Variants in MRTFB observed in about 807,000 individuals in gnomAD.
MRTFB encodes the protein myocardin-related transcription factor B.
MRTFB carries 29 observed loss-of-function variants against 104.2 expected under a neutral mutation model. That is an observed-to-expected ratio of 0.28 (90% confidence interval 0.21 to 0.38). MRTFB has a LOEUF of 0.38. Among genes scored for constraint, MRTFB ranks in the 10% least tolerant of loss-of-function variants. The pLI is 1.00. For synonymous variants in MRTFB, 535 were observed against 519.5 expected (o/e 1.03, Z -0.41); for missense variants, 1,270 against 1,341.6 (o/e 0.95, Z 0.83).
At chr16:14,038,614 G>A in the MRTFB span, among the ~76,000 whole-genome samples, 1 of 152,178 alleles carries the variant, frequency 6.6e-6, no homozygotes, top group South Asian at 2.1e-4. Context: ...AGCTTTGGCA[G>A]GCAACCATAT....
intron 3 of MRTFB, 115 bp downstream of exon 3, chr16:14,140,875 G>C: frequency 2.6e-6 from 3 of 1,157,462 alleles, no homozygotes; most frequent in Non-Finnish European, 3.7e-6. Flanking sequence ...TGTCATGGAG[G>C]AGAACCCTGT....
At chr16:14,078,754 T>C (rs1162151059) in intron 1 of MRTFB, among the ~76,000 whole-genome samples, 1 of 152,068 alleles carries the variant, frequency 6.6e-6, no homozygotes, top group African/African-American at 2.4e-5. Context: ...ATTATCATCA[T>C]AAATAATGCT....
chr16:14,184,301 T>C (rs570249677), intron 3 of MRTFB, among the ~76,000 whole-genome samples: 226 of 151,298 alleles, frequency 1.5e-3, no homozygotes, highest in Non-Finnish European at 2.8e-3. Flanking sequence ...CAGCTCACTG[T>C]AACCTCTGCC....
chr16:14,195,535 C>T (rs1408071619), intron 3 of MRTFB: 1 of 985,302 alleles, frequency 1.0e-6, no homozygotes, highest in Non-Finnish European at 1.2e-6. Context: ...AACCGAGATA[C>T]TGAGTCTGGA....
chr16:14,005,415 G>A, the MRTFB span, among the ~76,000 whole-genome samples: 2 of 152,200 alleles, frequency 1.3e-5, no homozygotes, highest in Admixed American at 1.3e-4. Flanking sequence ...AGCAGAGAGT[G>A]AGAGCCTCGT....
At position 14,203,069 on chromosome 16, in the gene MRTFB, A is replaced by G. The variant is rs571586030; in HGVS notation, c.155-7174A>G. Among the ~76,000 whole-genome samples, 14 of 152,342 alleles carry G rather than the reference A, an allele frequency of 9.2e-5. No individual in the cohort carries two copies. The South Asian group carries it at 2.5e-3, about 27-fold the overall frequency. ...CTAGTACTGACTTCAGAGTCAATAC[A>G]TAGTCAATTCTAGAGTATTCTTTAG... On this transcript the variant is annotated intron_variant, in intron 3 of 16. Coordinates refer to ENST00000571589, the MANE Select transcript of MRTFB (RefSeq NM_001308142.2).
At chr16:14,099,665 CTTTTCTTTTTTTT>C (rs1418673952) in intron 2 of MRTFB, among the ~76,000 whole-genome samples, 1 of 136,414 alleles carries the variant, frequency 7.3e-6, no homozygotes, top group Non-Finnish European at 1.6e-5. Context: ...TGCATCTTTT[CTTTTCTTTTTTTT>C]TTTTTTTGAG....
At chr16:14,255,671 T>C (rs1346797724) in intron 15 of MRTFB, among the ~76,000 whole-genome samples, 1 of 151,962 alleles carries the variant, frequency 6.6e-6, no homozygotes, top group Non-Finnish European at 1.5e-5. Context: ...TAATAAAGGA[T>C]GGGGGAGGAA....
chr16:14,222,723 A>G (rs1212555012), intron 8 of MRTFB, among the ~76,000 whole-genome samples: 4 of 151,990 alleles, frequency 2.6e-5, no homozygotes, highest in Non-Finnish European at 5.9e-5. Flanking sequence ...CTTGAACATC[A>G]GTGATCATTA....
rs146623862 is a variant in MRTFB, at chr16:14,081,213, T to G, written c.-64+1859T>G. Among the ~76,000 whole-genome samples the G allele has an allele frequency of 1.7e-3, 266 of 152,270 alleles. 1 individual carries two copies. Among genetic ancestry groups the G allele is most frequent in the African/African-American group, 5.9e-3 (245 of 41,560 alleles). On this transcript the variant is annotated intron_variant, in intron 2 of 16. Transcript: ENST00000571589. Reference sequence around the variant, plus strand: ...CCATTCCAACAGGAGTGAGGTGATATCTCACTGTGGTTTTAACTTGCATTT... The same window carrying G: ...CCATTCCAACAGGAGTGAGGTGATAGCTCACTGTGGTTTTAACTTGCATTT...
chr16:13,994,852 G>A, the MRTFB span, among the ~76,000 whole-genome samples: 1 of 152,154 alleles, frequency 6.6e-6, no homozygotes, highest in African/African-American at 2.4e-5. Flanking sequence ...ACAACTCTGA[G>A]ACGACCCGTA....
intron 13 of MRTFB, among the ~76,000 whole-genome samples, chr16:14,251,495 CAA>C (rs996471515): frequency 1.3e-5 from 2 of 151,852 alleles, no homozygotes; most frequent in Non-Finnish European, 2.9e-5. Flanking sequence ...TGTTTTTCCA[CAA>C]AGCTCTGTCT....
the MRTFB span, among the ~76,000 whole-genome samples, chr16:14,024,270 G>T: frequency 6.6e-6 from 1 of 152,192 alleles, no homozygotes; most frequent in South Asian, 2.1e-4. Context: ...AGTTGCTTAT[G>T]ATTAACTTTT....
chr16:14,216,722 C>A (rs2041444164), intron 6 of MRTFB, among the ~76,000 whole-genome samples: 1 of 152,126 alleles, frequency 6.6e-6, no homozygotes, highest in Non-Finnish European at 1.5e-5. Context: ...TGTCTCCCTT[C>A]TAAGAATTGA....
chr16:14,051,615 A>G, the MRTFB span, among the ~76,000 whole-genome samples: 1 of 151,990 alleles, frequency 6.6e-6, no homozygotes, highest in African/African-American at 2.4e-5. Context: ...ACACACATTC[A>G]CACACATAGA....
rs933873663 is a variant in MRTFB, at chr16:14,266,429, A to G, written c.*4985A>G. 6.6e-6 allele frequency: 1 copy of G among 152,234 alleles called. No individual in the cohort carries two copies. The highest frequency in any genetic ancestry group is 1.5e-5 in the Non-Finnish European group (1 of 68,044). 9.4% of individuals were successfully genotyped at this position (152,234 alleles called of 1,614,324 possible). ...ACTTTATGAAAAAAAGGAGAAAGAT[A>G]CCAATCTACAGAGCCCTGCTTGTTG... is the stretch of plus-strand genomic sequence containing the variant. On this transcript the variant is annotated 3_prime_UTR_variant, in exon 17 of 17. Transcript: ENST00000571589.
chr16:14,245,429 G>C (rs983432765), intron 10 of MRTFB, 99 bp from the exon 11 acceptor site: 2 of 987,094 alleles, frequency 2.0e-6, no homozygotes, highest in African/African-American at 3.3e-5. Context: ...CATAACCATG[G>C]TATTTTTCTC....
chr16:14,108,963 G>C (rs1173325047), intron 2 of MRTFB, among the ~76,000 whole-genome samples: 1 of 152,142 alleles, frequency 6.6e-6, no homozygotes, highest in Non-Finnish European at 1.5e-5. Context: ...TTCGAAAATT[G>C]TATAATCCAT....
chr16:14,183,645 C>T (rs1212255823), intron 3 of MRTFB, among the ~76,000 whole-genome samples: 1 of 152,060 alleles, frequency 6.6e-6, no homozygotes, highest in Non-Finnish European at 1.5e-5. Context: ...CACACCTGAA[C>T]ACTTAGGGTA....
Sources: allele counts gnomAD v4.1 joint callset (sites outside exome capture counted in the v4.1 genomes callset), GRCh38; gene constraint gnomAD v4.1.1; transcripts MANE v1.5; gene names NCBI Gene and HGNC (gene_info 2026-07-23, HGNC 2026-07-21).